Variants in CYRIB observed in about 807,000 individuals in gnomAD.
CYRIB encodes CYFIP related Rac1 interactor B, also known as CYFIP-related Rac1 interactor B.
A neutral mutation model predicts 44.2 loss-of-function variants in CYRIB; 8 were observed. That is an observed-to-expected ratio of 0.18 (90% CI 0.11 to 0.33). The LOEUF is 0.33. Among genes scored for constraint, CYRIB ranks in the 10% least tolerant of loss-of-function variants. CYRIB has a pLI of 1.00. For synonymous variants in CYRIB, 131 were observed against 127.2 expected (o/e 1.03, Z -0.20); for missense variants, 185 against 382.8 (o/e 0.48, Z 4.31).
chr8:129,881,944 T>C (rs977036298), intron 2 of CYRIB, among the ~76,000 whole-genome samples: 1 of 152,024 alleles, frequency 6.6e-6, no homozygotes, highest in African/African-American at 2.4e-5. Flanking sequence ...CTCAAATTGG[T>C]TACTAAAGTT....
At chr8:130,006,968 G>GT (rs1440218641) in intron 1 of CYRIB, among the ~76,000 whole-genome samples, 4 of 151,886 alleles carry the variant, frequency 2.6e-5, no homozygotes, top group Admixed American at 2.6e-4. Context: ...ATCTTTTCTA[G>GT]TGGGGATGCA....
At chr8:129,910,393 A>G (rs1272137021) in intron 1 of CYRIB, among the ~76,000 whole-genome samples, 3 of 152,136 alleles carry the variant, frequency 2.0e-5, no homozygotes, top group African/African-American at 4.8e-5. Context: ...ATTGCTGTCC[A>G]AAGATACATT....
At chr8:129,982,337 T>C (rs1368074493) in intron 1 of CYRIB, among the ~76,000 whole-genome samples, 1 of 152,336 alleles carries the variant, frequency 6.6e-6, no homozygotes, top group Middle Eastern at 3.4e-3. Context: ...TTGGGCCACA[T>C]GTGGTTACTG....
intron 1 of CYRIB, among the ~76,000 whole-genome samples, chr8:129,909,148 A>G (rs1379238876): frequency 6.6e-6 from 1 of 152,054 alleles, no homozygotes; most frequent in Non-Finnish European, 1.5e-5. Flanking sequence ...AAATACCAAC[A>G]TTTCTAATTA....
intron 2 of CYRIB, among the ~76,000 whole-genome samples, chr8:129,895,928 C>G (rs2067840648): frequency 6.6e-6 from 1 of 152,148 alleles, no homozygotes; most frequent in Non-Finnish European, 1.5e-5. Flanking sequence ...AACATTTCAC[C>G]TTGGATTATT....
chr8:129,908,618 T>C (rs958884811), intron 1 of CYRIB, among the ~76,000 whole-genome samples: 2 of 152,146 alleles, frequency 1.3e-5, no homozygotes, highest in Non-Finnish European at 2.9e-5. Context: ...ATTTAATATT[T>C]AATATTAAAA....
intron 1 of CYRIB, among the ~76,000 whole-genome samples, chr8:129,927,197 CAGG>C (rs1208620755): frequency 6.6e-6 from 1 of 152,102 alleles, no homozygotes; most frequent in African/African-American, 2.4e-5. Flanking sequence ...GAGGCTGAGG[CAGG>C]AGAATCGCTT....
intron 1 of CYRIB, among the ~76,000 whole-genome samples, chr8:129,982,753 C>G (rs1171161110): frequency 2.0e-5 from 3 of 152,142 alleles, no homozygotes; most frequent in African/African-American, 7.2e-5. Flanking sequence ...AAAAAGCAAA[C>G]GCATGAGCAT....
intron 2 of CYRIB, among the ~76,000 whole-genome samples, chr8:129,951,248 G>A (rs555265795): frequency 1.2e-4 from 18 of 152,276 alleles, no homozygotes; most frequent in Admixed American, 3.9e-4. Flanking sequence ...AAGTTGCAGT[G>A]AGCCGAGACT....
intron 3 of CYRIB, among the ~76,000 whole-genome samples, chr8:129,877,369 C>T (rs2059429386): frequency 6.6e-6 from 1 of 151,950 alleles, no homozygotes; most frequent in South Asian, 2.1e-4. Context: ...AATAATGTAC[C>T]AGGTGCAGTA....
chr8:129,888,230 C>A (rs1452190218), intron 2 of CYRIB, among the ~76,000 whole-genome samples: 1 of 152,182 alleles, frequency 6.6e-6, no homozygotes, highest in African/African-American at 2.4e-5. Flanking sequence ...CCCCATCTCT[C>A]TTCCTCCTGC....
At chr8:129,852,125 A>T in intron 8 of CYRIB, 37 bp downstream of exon 10, 1 of 1,322,350 alleles carries the variant, frequency 7.6e-7, no homozygotes, top group Non-Finnish European at 1.0e-6. Flanking sequence ...CAGGGGCATA[A>T]ATAACAACAC....
chr8:129,966,764 A>G (rs568850604), intron 2 of CYRIB, among the ~76,000 whole-genome samples: 85 of 152,146 alleles, frequency 5.6e-4, no homozygotes, highest in African/African-American at 2.0e-3. Flanking sequence ...AGTGCAGAGG[A>G]CCAATTCTGG....
chr8:129,879,424 A>G, exon 3 of CYRIB: 1 of 1,612,266 alleles, frequency 6.2e-7, no homozygotes, highest in Non-Finnish European at 8.5e-7. Context: ...CCCCTGCTCA[A>G]GGTCTGTGCA....
chr8:129,907,659 C>T (rs1288535852), intron 1 of CYRIB, among the ~76,000 whole-genome samples: 1 of 152,116 alleles, frequency 6.6e-6, no homozygotes, highest in Non-Finnish European at 1.5e-5. Flanking sequence ...GTTATTACTT[C>T]AGACCATTCT....
At chr8:129,874,627 T>C (rs1390143238) in intron 3 of CYRIB, among the ~76,000 whole-genome samples, 1 of 152,110 alleles carries the variant, frequency 6.6e-6, no homozygotes, top group African/African-American at 2.4e-5. Context: ...CTGTAATACA[T>C]TTTGAATGAA....
At chr8:129,952,593 T>C (rs562790438) in intron 2 of CYRIB, among the ~76,000 whole-genome samples, 1 of 152,246 alleles carries the variant, frequency 6.6e-6, no homozygotes, top group East Asian at 1.9e-4. Context: ...TGAACCATTT[T>C]GTTTGTCCAA....
intron 1 of CYRIB, among the ~76,000 whole-genome samples, chr8:130,012,533 T>TA (rs5895015): frequency 0.53 from 79,797 of 151,930 alleles, 21,075 homozygotes; most frequent in Middle Eastern, 0.62. Flanking sequence ...GCTGAGCACC[T>TA]CTAGGTGCCA....
intron 1 of CYRIB, among the ~76,000 whole-genome samples, chr8:129,999,481 A>C (rs1216388255): frequency 6.6e-6 from 1 of 152,210 alleles, no homozygotes. Context: ...GATGCAATTG[A>C]CACCCTCAGG....
Sources: allele counts gnomAD v4.1 joint callset (sites outside exome capture counted in the v4.1 genomes callset), GRCh38; gene constraint gnomAD v4.1.1; transcripts MANE v1.5; gene names NCBI Gene and HGNC (gene_info 2026-07-23, HGNC 2026-07-21).